ELMO1: variants seen among roughly 807,000 people sequenced by gnomAD.
ELMO1 encodes engulfment and cell motility protein 1.
A neutral mutation model predicts 98.9 loss-of-function variants in ELMO1; 26 were observed. The observed-to-expected ratio is 0.26, with a 90% confidence interval of 0.19 to 0.36. The LOEUF (loss-of-function observed/expected upper bound fraction) is 0.36, where lower values mean the gene tolerates loss of function less well. ELMO1 is among the 10% of genes least tolerant of loss of function. ELMO1 has a pLI of 1.00. For synonymous variants in ELMO1, 346 were observed against 346.0 expected, an observed-to-expected ratio of 1.00 and a Z score of 0.00; for missense variants, 627 against 935.2, an observed-to-expected ratio of 0.67 and a Z score of 4.30.
At chr7:37,079,508 C>A (rs1797751035) in intron 15 of ELMO1, among the ~76,000 whole-genome samples, 1 of 152,184 alleles carries the variant, frequency 6.6e-6, no homozygotes, top group African/African-American at 2.4e-5. Context: ...GTGGCCCACA[C>A]TGAGCAGCAT....
At chr7:36,868,928 A>C (rs965361070) in intron 20 of ELMO1, among the ~76,000 whole-genome samples, 1 of 152,192 alleles carries the variant, frequency 6.6e-6, no homozygotes, top group Non-Finnish European at 1.5e-5. Flanking sequence ...AGCTGAGCAG[A>C]GCCCGTGCTC....
chr7:37,316,535 C>T (rs1799168797), intron 2 of ELMO1, among the ~76,000 whole-genome samples: 1 of 152,160 alleles, frequency 6.6e-6, no homozygotes, highest in African/African-American at 2.4e-5. Flanking sequence ...ACCATGACAC[C>T]ATGTGCCCTG....
At chr7:36,998,845 A>G (rs1792418110) in intron 16 of ELMO1, among the ~76,000 whole-genome samples, 1 of 152,056 alleles carries the variant, frequency 6.6e-6, no homozygotes, top group African/African-American at 2.4e-5. Context: ...GGATTAATAC[A>G]TGAAAAGGCG....
chr7:37,266,416 G>A (rs566993720), intron 5 of ELMO1, among the ~76,000 whole-genome samples: 18 of 152,074 alleles, frequency 1.2e-4, no homozygotes, highest in African/African-American at 1.7e-4. Context: ...TGCTGATACC[G>A]GCTCCCTAAA....
chr7:37,364,116 C>T (rs554541737), intron 1 of ELMO1, among the ~76,000 whole-genome samples: 1 of 152,332 alleles, frequency 6.6e-6, no homozygotes, highest in Admixed American at 6.5e-5. Context: ...ATACCCCCAA[C>T]ACCATACCCC....
intron 4 of ELMO1, among the ~76,000 whole-genome samples, chr7:37,302,173 C>T (rs1798385144): frequency 6.6e-6 from 1 of 152,092 alleles, no homozygotes; most frequent in Non-Finnish European, 1.5e-5. Context: ...AGACAAGAGT[C>T]TAGCAATATT....
intron 16 of ELMO1, among the ~76,000 whole-genome samples, chr7:37,007,850 CTAAT>C (rs1438312760): frequency 3.3e-5 from 5 of 152,102 alleles, no homozygotes; most frequent in Non-Finnish European, 7.3e-5. Context: ...CCCGTTCTTC[CTAAT>C]TGAGATTTTC....
chr7:37,088,101 C>G (rs1783882573), intron 15 of ELMO1, among the ~76,000 whole-genome samples: 1 of 152,196 alleles, frequency 6.6e-6, no homozygotes, highest in Admixed American at 6.5e-5. Flanking sequence ...TAGCCATGAC[C>G]TCTAAGAGAC....
intron 4 of ELMO1, among the ~76,000 whole-genome samples, chr7:37,296,450 C>T (rs1798029971): frequency 6.6e-6 from 1 of 152,170 alleles, no homozygotes; most frequent in African/African-American, 2.4e-5. Flanking sequence ...TCAGGCCTAC[C>T]AAGATATTCT....
chr7:36,876,657 T>G (rs563241855), intron 19 of ELMO1, among the ~76,000 whole-genome samples: 1 of 152,242 alleles, frequency 6.6e-6, no homozygotes, highest in South Asian at 2.1e-4. Flanking sequence ...GCTGCTGATG[T>G]TCCAGGGACC....
intron 7 of ELMO1, among the ~76,000 whole-genome samples, chr7:37,237,220 C>T (rs1794516024): frequency 6.6e-6 from 1 of 152,176 alleles, no homozygotes; most frequent in Non-Finnish European, 1.5e-5. Flanking sequence ...ATTTATGCTA[C>T]TAATTTTATA....
At chr7:37,275,513 C>T (rs1381641909) in intron 4 of ELMO1, among the ~76,000 whole-genome samples, 1 of 152,204 alleles carries the variant, frequency 6.6e-6, no homozygotes, top group Admixed American at 6.5e-5. Context: ...TACTTAATTC[C>T]TCAGACCTAA....
At chr7:37,405,180 T>A (rs1253902075) in intron 1 of ELMO1, among the ~76,000 whole-genome samples, 1 of 146,484 alleles carries the variant, frequency 6.8e-6, no homozygotes, top group Admixed American at 7.1e-5. Context: ...AAGGCATGGA[T>A]GCTTTTTATA....
At chr7:37,417,237 T>C (rs1804256362) in intron 1 of ELMO1, among the ~76,000 whole-genome samples, 1 of 152,152 alleles carries the variant, frequency 6.6e-6, no homozygotes, top group Non-Finnish European at 1.5e-5. Context: ...CCTTTCCTGC[T>C]ATCTGTGAAT....
intron 16 of ELMO1, among the ~76,000 whole-genome samples, chr7:36,910,726 C>T (rs1038308359): frequency 2.0e-5 from 3 of 152,070 alleles, no homozygotes; most frequent in African/African-American, 4.8e-5. Context: ...TGTTGGTCAA[C>T]GAGCTTTGAT....
chr7:37,430,371 A>G (rs541162692), intron 1 of ELMO1, among the ~76,000 whole-genome samples: 8 of 152,326 alleles, frequency 5.3e-5, no homozygotes, highest in African/African-American at 1.7e-4. Flanking sequence ...CCTGGCCTCA[A>G]GTGCCCAAAG....
At chr7:37,067,194 G>A (rs143013126) in intron 15 of ELMO1, among the ~76,000 whole-genome samples, 100 of 152,276 alleles carry the variant, frequency 6.6e-4, no homozygotes, top group African/African-American at 2.4e-3. Context: ...ACTGAGGGTG[G>A]CACGCAACCC....
chr7:36,852,919 A>G lies in ELMO1; in HGVS notation c.*2632T>C, dbSNP rs908671223. Among the ~76,000 whole-genome samples the G allele has an allele frequency of 6.6e-6, 1 of 152,224 alleles. No individual in the cohort carries two copies. The highest frequency in any genetic ancestry group is 1.5e-5 in the Non-Finnish European group (1 of 68,036). On this transcript the variant is annotated 3_prime_UTR_variant, in exon 22 of 22. Coordinates refer to ENST00000310758, the MANE Select transcript of ELMO1 (RefSeq NM_014800.11). Reference sequence around the variant, plus strand: ...AACATCAGCAGATTCAAATTAAGTAATCAGTTTTATTTTGAGTAATATGAA... The same window carrying G: ...AACATCAGCAGATTCAAATTAAGTAGTCAGTTTTATTTTGAGTAATATGAA...
chr7:37,258,348 G>A (rs939136271), intron 6 of ELMO1, among the ~76,000 whole-genome samples: 3 of 152,218 alleles, frequency 2.0e-5, no homozygotes, highest in African/African-American at 4.8e-5. Context: ...GGCTGAGGTG[G>A]GAGGATCACT....
Sources: gnomAD v4.1 joint callset for allele counts (sites outside exome capture counted in the v4.1 genomes callset) on GRCh38, gnomAD v4.1.1 for gene constraint, MANE v1.5 for transcripts, NCBI Gene and HGNC (gene_info 2026-07-23, HGNC 2026-07-21) for gene names.